FIGN: variants seen among roughly 807,000 people sequenced by gnomAD.
FIGN encodes fidgetin, microtubule severing factor.
Under a neutral mutation model 51.3 loss-of-function variants are expected in FIGN, and 11 were observed. The ratio of observed to expected loss-of-function variants is 0.21; its 90% CI spans 0.13 to 0.35. The LOEUF (loss-of-function observed/expected upper bound fraction) is 0.35, where lower values mean the gene tolerates loss of function less well. Ranked by LOEUF, FIGN falls within the 10% of genes least tolerant of loss-of-function variation. The probability of loss-of-function intolerance (pLI) is 1.00; values close to 1 mark genes in which losing one functional copy is unlikely to be tolerated. For missense variants in FIGN, 857 were observed against 943.6 expected, an observed-to-expected ratio of 0.91 and a Z score of 1.20; for synonymous variants, 407 against 363.2, an observed-to-expected ratio of 1.12 and a Z score of -1.37.
chr2:163,686,933 AAG>A (rs888881800), intron 2 of FIGN, among the ~76,000 whole-genome samples: 79 of 151,972 alleles, frequency 5.2e-4, no homozygotes, highest in African/African-American at 1.9e-3. Context: ...TGTATTTGTA[AAG>A]AGTGTTATTA....
chr2:163,707,946 A>T (rs571515652), intron 2 of FIGN, among the ~76,000 whole-genome samples: 1 of 152,314 alleles, frequency 6.6e-6, no homozygotes, highest in South Asian at 2.1e-4. Context: ...TTGTTTACAT[A>T]ACTATTTTTA....
chr2:163,708,716 A>G (rs887459303), intron 2 of FIGN, among the ~76,000 whole-genome samples: 1 of 152,152 alleles, frequency 6.6e-6, no homozygotes, highest in African/African-American at 2.4e-5. Flanking sequence ...ATCCTGCTAG[A>G]TGGGGGCAGG....
chr2:163,629,573 T>G (rs770411813), intron 2 of FIGN, among the ~76,000 whole-genome samples: 2 of 152,134 alleles, frequency 1.3e-5, no homozygotes, highest in Non-Finnish European at 2.9e-5. Flanking sequence ...CCATAGTCAG[T>G]AAACTACGTC....
intron 2 of FIGN, among the ~76,000 whole-genome samples, chr2:163,624,031 T>G (rs892715759): frequency 2.7e-5 from 4 of 149,788 alleles, no homozygotes; most frequent in Non-Finnish European, 6.0e-5. Flanking sequence ...ACAGGTTTTT[T>G]TTTTCTATTT....
intron 2 of FIGN, among the ~76,000 whole-genome samples, chr2:163,702,709 GACTATTTAGCGATTC>G (rs1684428118): frequency 6.6e-6 from 1 of 152,088 alleles, no homozygotes. Flanking sequence ...ACTCTAACTT[GACTATTTAGCGATTC>G]ACTATTTAGC....
In FIGN at chr2:163,645,888, G is replaced by C. The variant is rs763912123; in HGVS notation, c.26-34082C>G. Among the ~76,000 whole-genome samples, 261 of 152,274 alleles carry C rather than the reference G, an allele frequency of 1.7e-3. 1 individual carries two copies. The highest frequency in any genetic ancestry group is 2.8e-3 in the Non-Finnish European group (190 of 68,022). On this transcript the variant is annotated intron_variant, in intron 2 of 2. Transcript: ENST00000333129. ...GGGACAAAGGTTCCTTCTACAGATGGAGTCACCCTCCAAACTTTTATTTCA... is the reference window on the plus strand; with the variant it reads ...GGGACAAAGGTTCCTTCTACAGATGCAGTCACCCTCCAAACTTTTATTTCA...
Position 163,675,653 on chromosome 2 carries a change from C to A in FIGN, c.25+59250G>T, listed in dbSNP as rs78463144. 3.1e-4 allele frequency among the ~76,000 whole-genome samples: 45 copies of A among 146,232 alleles called. 1 individual carries two copies. The East Asian group carries it at 8.4e-3, about 27-fold the overall frequency. On this transcript the variant is annotated intron_variant, in intron 2 of 2. Transcript: ENST00000333129. Reference sequence around the variant, plus strand: ...CAGCCCTTGTGTTTCTAGCATAATTCTTTTTCTACTTGCCAAGTCCCTTTA... The same window carrying A: ...CAGCCCTTGTGTTTCTAGCATAATTATTTTTCTACTTGCCAAGTCCCTTTA...
intron 2 of FIGN, among the ~76,000 whole-genome samples, chr2:163,696,206 T>G (rs1684316456): frequency 6.6e-6 from 1 of 152,150 alleles, no homozygotes; most frequent in Non-Finnish European, 1.5e-5. Flanking sequence ...AAGAAGACTG[T>G]TAATGGTAAC....
intron 2 of FIGN, among the ~76,000 whole-genome samples, chr2:163,715,137 T>C (rs1386510846): frequency 2.0e-5 from 3 of 152,226 alleles, no homozygotes; most frequent in Non-Finnish European, 2.9e-5. Flanking sequence ...CTGGTTCATT[T>C]GTGCATCATG....
At chr2:163,735,317 C>A (rs561558017) in intron 1 of FIGN, among the ~76,000 whole-genome samples, 265 of 143,852 alleles carry the variant, frequency 1.8e-3, no homozygotes, top group African/African-American at 6.8e-3. Context: ...CCACGCTGTA[C>A]CCCCTCCTAG....
At chr2:163,650,625 G>A (rs1427229577) in intron 2 of FIGN, among the ~76,000 whole-genome samples, 1 of 151,768 alleles carries the variant, frequency 6.6e-6, no homozygotes, top group Non-Finnish European at 1.5e-5. Context: ...CCACTTATGA[G>A]TGAGAACATC....
intron 2 of FIGN, among the ~76,000 whole-genome samples, chr2:163,704,938 C>T (rs893375247): frequency 2.6e-5 from 4 of 152,032 alleles, no homozygotes; most frequent in African/African-American, 9.7e-5. Flanking sequence ...CCAGTGAGTA[C>T]ACAAGAGGTC....
At chr2:163,670,118 T>C (rs1165410981) in intron 2 of FIGN, among the ~76,000 whole-genome samples, 1 of 152,186 alleles carries the variant, frequency 6.6e-6, no homozygotes, top group African/African-American at 2.4e-5. Flanking sequence ...TTAGCAAAAC[T>C]AGAGTGATCT....
chr2:163,677,773 A>G (rs1330109150), intron 2 of FIGN, among the ~76,000 whole-genome samples: 2 of 152,278 alleles, frequency 1.3e-5, no homozygotes, highest in South Asian at 2.1e-4. Context: ...AAAGCCTGAC[A>G]CTGTTGTCTT....
intron 2 of FIGN, among the ~76,000 whole-genome samples, chr2:163,731,667 C>A (rs1261339649): frequency 1.3e-5 from 2 of 151,348 alleles, no homozygotes; most frequent in Non-Finnish European, 2.9e-5. Flanking sequence ...TTTTAAGAAT[C>A]TTACTGATGA....
At chr2:163,668,795 G>T (rs1365149615) in intron 2 of FIGN, among the ~76,000 whole-genome samples, 1 of 151,762 alleles carries the variant, frequency 6.6e-6, no homozygotes, top group African/African-American at 2.4e-5. Context: ...CAAAAAATTA[G>T]CCGGGCGTGG....
chr2:163,734,094 CCT>C (rs1684974148), intron 2 of FIGN, among the ~76,000 whole-genome samples: 1 of 151,714 alleles, frequency 6.6e-6, no homozygotes, highest in African/African-American at 2.4e-5. Context: ...TTGAAAATCC[CCT>C]CTCACTCCAT....
At chr2:163,616,726 G>C (rs142507664) in intron 2 of FIGN, among the ~76,000 whole-genome samples, 136 of 152,094 alleles carry the variant, frequency 8.9e-4, no homozygotes, top group African/African-American at 3.0e-3. Context: ...TATAATATTA[G>C]CAAGGGTTTC....
intron 2 of FIGN, among the ~76,000 whole-genome samples, chr2:163,641,163 G>C (rs920183831): frequency 7.2e-5 from 11 of 152,220 alleles, no homozygotes; most frequent in Non-Finnish European, 1.5e-4. Flanking sequence ...GAGAAGAGTA[G>C]GCCGCCATAG....
Sources: gnomAD v4.1 joint callset for allele counts (sites outside exome capture counted in the v4.1 genomes callset) on GRCh38, gnomAD v4.1.1 for gene constraint, MANE v1.5 for transcripts, NCBI Gene and HGNC (gene_info 2026-07-23, HGNC 2026-07-21) for gene names.